IL1RAPL2: variants seen among roughly 807,000 people sequenced by gnomAD.
IL1RAPL2 encodes the protein X-linked interleukin-1 receptor accessory protein-like 2.
In IL1RAPL2, 3 loss-of-function variants were observed where a neutral mutation model predicts 44.1. That is an observed-to-expected ratio of 0.07 (90% CI 0.03 to 0.18). The LOEUF (loss-of-function observed/expected upper bound fraction) is 0.18. Among genes scored for constraint, IL1RAPL2 ranks in the 10% least tolerant of loss-of-function variants. The pLI is 1.00. For missense variants in IL1RAPL2, 391 were observed against 496.4 expected, an observed-to-expected ratio of 0.79 and a Z score of 2.02; for synonymous variants, 181 against 178.8, an observed-to-expected ratio of 1.01 and a Z score of -0.10.
chrX:105,172,438 G>A (rs2033431576), intron 2 of IL1RAPL2, among the ~76,000 whole-genome samples: 1 of 111,787 alleles, frequency 8.9e-6, no homozygotes, highest in Non-Finnish European at 1.9e-5. Flanking sequence ...CTTACATAGG[G>A]CTTCTGGGGA....
intron 6 of IL1RAPL2, among the ~76,000 whole-genome samples, chrX:105,510,309 G>A (rs903609038): frequency 3.6e-5 from 4 of 111,936 alleles, no homozygotes; most frequent in Admixed American, 1.9e-4. Flanking sequence ...GTGTGTGTGT[G>A]TGTGTACATG....
At chrX:105,662,305 T>C (rs765473587) in intron 6 of IL1RAPL2, among the ~76,000 whole-genome samples, 6 of 112,190 alleles carry the variant, frequency 5.3e-5, no homozygotes, top group Non-Finnish European at 1.9e-5. Context: ...CATCTCTTTA[T>C]GAGCTGATTC....
intron 2 of IL1RAPL2, among the ~76,000 whole-genome samples, chrX:104,821,165 A>G (rs2147623472): frequency 8.9e-6 from 1 of 112,287 alleles, no homozygotes; most frequent in Admixed American, 9.5e-5. Flanking sequence ...TGGCAAAGAA[A>G]CTGAGTATCT....
intron 2 of IL1RAPL2, among the ~76,000 whole-genome samples, chrX:104,770,303 A>C (rs1356243062): frequency 9.0e-6 from 1 of 111,490 alleles, no homozygotes; most frequent in Non-Finnish European, 1.9e-5. Context: ...AGGTTGCTAC[A>C]TATTATATTC....
intron 1 of IL1RAPL2, among the ~76,000 whole-genome samples, chrX:104,650,965 A>G (rs1174480037): frequency 8.9e-6 from 1 of 111,914 alleles, no homozygotes; most frequent in African/African-American, 3.2e-5. Context: ...TGAAAAGTAA[A>G]ATGGAGATTA....
intron 1 of IL1RAPL2, among the ~76,000 whole-genome samples, chrX:104,649,513 T>G (rs772123368): frequency 9.0e-6 from 1 of 111,584 alleles, no homozygotes; most frequent in Non-Finnish European, 1.9e-5. Context: ...CAGACTTCAT[T>G]GCAAATTACT....
chrX:105,078,967 C>T (rs1418974985), intron 2 of IL1RAPL2, among the ~76,000 whole-genome samples: 2 of 112,406 alleles, frequency 1.8e-5, no homozygotes, highest in Non-Finnish European at 3.8e-5. Flanking sequence ...ATTCCCTGAC[C>T]CCTTGTGCTT....
At chrX:105,163,406 C>T (rs1175823286) in intron 2 of IL1RAPL2, among the ~76,000 whole-genome samples, 6 of 111,584 alleles carry the variant, frequency 5.4e-5, no homozygotes, top group Non-Finnish European at 1.1e-4. Flanking sequence ...GACATGACTC[C>T]GGGTTTTGCT....
intron 5 of IL1RAPL2, among the ~76,000 whole-genome samples, chrX:105,384,646 A>G (rs1196767281): frequency 1.8e-5 from 2 of 111,206 alleles, no homozygotes; most frequent in Non-Finnish European, 3.8e-5. Context: ...TTCTGTGAAG[A>G]ATATCATTGG....
chrX:105,321,969 G>C (rs1305594767), intron 5 of IL1RAPL2, among the ~76,000 whole-genome samples: 2 of 112,876 alleles, frequency 1.8e-5, no homozygotes, highest in East Asian at 5.6e-4. Context: ...AGCAGGCCAA[G>C]GGGCTGGGAG....
In IL1RAPL2 at chrX:105,474,078, T is replaced by A. The variant is rs376754081; in HGVS notation, c.698-10235T>A. ...AATTATGGTTGCTAATCCCCTGACCTCAAAATAGGGAAATCATCATGGATT... is the reference window on the plus strand; with the variant it reads ...AATTATGGTTGCTAATCCCCTGACCACAAAATAGGGAAATCATCATGGATT... On this transcript the variant is annotated intron_variant, in intron 5 of 10. Transcript: ENST00000372582. 6.3e-5 allele frequency among the ~76,000 whole-genome samples: 7 copies of A among 111,247 alleles called. No homozygotes were observed. The East Asian group carries it at 2.0e-3, about 32-fold the overall frequency.
intron 2 of IL1RAPL2, among the ~76,000 whole-genome samples, chrX:105,166,970 G>C (rs772907592): frequency 8.9e-6 from 1 of 112,087 alleles, no homozygotes; most frequent in East Asian, 2.8e-4. Flanking sequence ...TTTTTATAAT[G>C]CCACCAAATG....
intron 2 of IL1RAPL2, among the ~76,000 whole-genome samples, chrX:104,867,928 T>A (rs1039665167): frequency 8.9e-6 from 1 of 111,868 alleles, no homozygotes; most frequent in Non-Finnish European, 1.9e-5. Context: ...GAGAGGAATG[T>A]TAACAGATTA....
chrX:105,198,490 C>T (rs1285907541), intron 3 of IL1RAPL2, among the ~76,000 whole-genome samples: 1 of 112,087 alleles, frequency 8.9e-6, no homozygotes, highest in African/African-American at 3.2e-5. Context: ...ATATAGAGTT[C>T]CTGTACACTT....
intron 2 of IL1RAPL2, among the ~76,000 whole-genome samples, chrX:105,140,088 G>C (rs956145232): frequency 8.9e-6 from 1 of 112,313 alleles, no homozygotes; most frequent in Non-Finnish European, 1.9e-5. Context: ...ACCTGAGGAA[G>C]TTTATAGTTC....
At chrX:105,504,291 G>T (rs747441155) in intron 6 of IL1RAPL2, among the ~76,000 whole-genome samples, 1 of 111,740 alleles carries the variant, frequency 8.9e-6, no homozygotes, top group Non-Finnish European at 1.9e-5. Context: ...CCTGTGTATT[G>T]AATCTACAAG....
chrX:105,429,177 G>A (rs1336843858), intron 5 of IL1RAPL2, among the ~76,000 whole-genome samples: 3 of 111,577 alleles, frequency 2.7e-5, no homozygotes, highest in Non-Finnish European at 5.7e-5. Context: ...ATAAAAATGG[G>A]ATTACATAAT....
At chrX:104,900,813 A>G (rs1219051917) in intron 2 of IL1RAPL2, among the ~76,000 whole-genome samples, 1 of 112,063 alleles carries the variant, frequency 8.9e-6, no homozygotes, top group African/African-American at 3.2e-5. Flanking sequence ...TGGAGCAAGG[A>G]AATATTCTCT....
chrX:105,162,092 C>G (rs1231135024), intron 2 of IL1RAPL2, among the ~76,000 whole-genome samples: 1 of 112,199 alleles, frequency 8.9e-6, no homozygotes, highest in African/African-American at 3.2e-5. Context: ...ATAATATAAA[C>G]TAGTTGTCAT....
Sources: allele counts gnomAD v4.1 joint callset (sites outside exome capture counted in the v4.1 genomes callset), GRCh38; gene constraint gnomAD v4.1.1; transcripts MANE v1.5; gene names NCBI Gene and HGNC (gene_info 2026-07-23, HGNC 2026-07-21).